The following FGGY variants were observed in gnomAD, a reference collection of about 807,000 sequenced individuals.
FGGY encodes FGGY carbohydrate kinase domain containing.
Under a neutral mutation model 71.3 loss-of-function variants are expected in FGGY, and 72 were observed. That is an observed-to-expected ratio of 1.01 (90% confidence interval 0.84 to 1.23). FGGY has a LOEUF of 1.23. Among genes scored for constraint, FGGY ranks in the 50% most tolerant of loss-of-function variants. The pLI is 0.00. For synonymous variants in FGGY, 251 were observed against 250.3 expected (o/e 1.00, Z -0.02); for missense variants, 668 against 682.3 (o/e 0.98, Z 0.23).
intron 5 of FGGY, among the ~76,000 whole-genome samples, chr1:59,418,382 G>A (rs1571903758): frequency 1.3e-5 from 2 of 152,226 alleles, no homozygotes; most frequent in East Asian, 1.9e-4. Context: ...GGAAGCACCC[G>A]AGAAAATAAA....
Position 59,554,199 on chromosome 1 carries a change from T to A in FGGY, c.875T>A (p.Ile292Asn). The change falls in exon 8 of 16, where the codon ATC (isoleucine) becomes AAC (asparagine). Residue 292 changes from isoleucine to asparagine, a missense_variant. By Grantham distance (149) the Ile-to-Asn change is moderately radical. Around this residue, in one of 2 missense-constraint regions of FGGY, gnomAD observed 661 missense variants for 661.6 expected, o/e 1.00. Coordinates refer to ENST00000303721, the MANE Select transcript of FGGY (RefSeq NM_018291.5). ...CCAGTGACGTCACGGCTGGCTGTCA[T>A]CTGTGGAACGTCTTCTTGTCACATG... ...GQPVTSRLAV[I>N]CGTSSCHMGI... 6.2e-7 allele frequency: 1 copy of A among 1,613,620 alleles called. No homozygotes were observed. Among genetic ancestry groups the A allele is most frequent in the Non-Finnish European group, 8.5e-7 (1 of 1,179,616 alleles).
intron 9 of FGGY, among the ~76,000 whole-genome samples, chr1:59,614,123 A>C (rs1196255409): frequency 2.6e-5 from 4 of 152,224 alleles, no homozygotes; most frequent in Non-Finnish European, 5.9e-5. Flanking sequence ...ATAGGAAAAG[A>C]GGGAATCCTC....
chr1:59,691,695 G>A (rs2097589714), intron 14 of FGGY, among the ~76,000 whole-genome samples: 1 of 149,552 alleles, frequency 6.7e-6, no homozygotes, highest in Admixed American at 6.7e-5. Context: ...ATTACTTTGG[G>A]GACTTAACAC....
chr1:59,706,141 TCCTG>T (rs1379203176), intron 14 of FGGY, among the ~76,000 whole-genome samples: 1 of 152,212 alleles, frequency 6.6e-6, no homozygotes, highest in Non-Finnish European at 1.5e-5. Flanking sequence ...TCACTGAGCC[TCCTG>T]CCTGTACAGG....
chr1:59,488,185 G>A (rs1403137080), intron 6 of FGGY, among the ~76,000 whole-genome samples: 1 of 152,012 alleles, frequency 6.6e-6, no homozygotes. Flanking sequence ...ATATTTTTAA[G>A]CCTTCTATTA....
intron 6 of FGGY, among the ~76,000 whole-genome samples, chr1:59,473,245 C>T (rs907685832): frequency 4.6e-5 from 7 of 152,018 alleles, no homozygotes; most frequent in South Asian, 2.1e-4. Flanking sequence ...ACGAACCCAC[C>T]GGGAGGAACG....
intron 14 of FGGY, among the ~76,000 whole-genome samples, chr1:59,694,106 G>A (rs574825934): frequency 9.2e-5 from 14 of 151,634 alleles, no homozygotes; most frequent in Admixed American, 3.9e-4. Context: ...TCGAGACCAC[G>A]GTGAAATCCC....
At chr1:59,492,403 G>A (rs2093894090) in intron 6 of FGGY, among the ~76,000 whole-genome samples, 1 of 152,132 alleles carries the variant, frequency 6.6e-6, no homozygotes, top group Non-Finnish European at 1.5e-5. Context: ...TACTTGTACG[G>A]TGATCTGGAT....
chr1:59,652,159 A>G lies in FGGY; in HGVS notation c.1222-8060A>G, dbSNP rs1363612334. 2.6e-5 allele frequency among the ~76,000 whole-genome samples: 4 copies of G among 152,096 alleles called. No individual in the cohort carries two copies. In the South Asian group the frequency reaches 6.3e-4, roughly 24 times the overall value. On this transcript the variant is annotated intron_variant, in intron 11 of 15. Coordinates refer to ENST00000303721, the MANE Select transcript of FGGY (RefSeq NM_018291.5). The stretch of plus-strand genomic sequence containing the variant: ...ATGGGCTTCCCTTTGAGGGTAACCC[A>G]ACCTTTCTCTCTGGCTGCCCTTAAC...
rs540147816 is a variant in FGGY, at chr1:59,538,180, G to A, written c.800-15944G>A. 9.9e-5 allele frequency among the ~76,000 whole-genome samples: 15 copies of A among 152,258 alleles called. 1 individual carries two copies. The highest frequency in any genetic ancestry group is 5.8e-4 in the East Asian group (3 of 5,180). ...AAAACAACCCCATGAAAAAGTGGGC[G>A]AGGGACATAAACAGACACTTCTCAA... On this transcript the variant is annotated intron_variant, in intron 7 of 15. Transcript: ENST00000303721.
intron 10 of FGGY, among the ~76,000 whole-genome samples, chr1:59,632,992 T>C (rs922190856): frequency 1.3e-5 from 2 of 151,780 alleles, no homozygotes; most frequent in East Asian, 3.9e-4. Flanking sequence ...TGGATATTAT[T>C]ATACATTTCT....
At chr1:59,459,931 T>A (rs1472075895) in intron 6 of FGGY, among the ~76,000 whole-genome samples, 1 of 152,194 alleles carries the variant, frequency 6.6e-6, no homozygotes, top group Non-Finnish European at 1.5e-5. Flanking sequence ...GGATTCAGTG[T>A]ATTAGCTTAT....
intron 8 of FGGY, among the ~76,000 whole-genome samples, chr1:59,579,223 T>C (rs1286783858): frequency 6.6e-6 from 1 of 152,114 alleles, no homozygotes; most frequent in East Asian, 1.9e-4. Flanking sequence ...GGTCCCATTG[T>C]CTAATTGCTC....
intron 5 of FGGY, among the ~76,000 whole-genome samples, chr1:59,396,312 T>C (rs1179662858): frequency 1.3e-5 from 2 of 152,236 alleles, no homozygotes; most frequent in Non-Finnish European, 2.9e-5. Flanking sequence ...GACTAAGCTC[T>C]AACCTCAGTG....
chr1:59,482,949 C>G (rs2093542531), intron 6 of FGGY, among the ~76,000 whole-genome samples: 2 of 152,060 alleles, frequency 1.3e-5, no homozygotes, highest in South Asian at 2.1e-4. Flanking sequence ...GTCAGAACCA[C>G]CTGGGGGGAT....
At chr1:59,472,679 G>A (rs569076071) in intron 6 of FGGY, among the ~76,000 whole-genome samples, 2 of 152,190 alleles carry the variant, frequency 1.3e-5, no homozygotes, top group East Asian at 1.9e-4. Flanking sequence ...CAGGGTTTGC[G>A]AATGCACCAG....
intron 7 of FGGY, among the ~76,000 whole-genome samples, chr1:59,519,902 G>A (rs1021249869): frequency 1.3e-5 from 2 of 152,350 alleles, no homozygotes; most frequent in East Asian, 1.9e-4. Context: ...CTCTAGGCCA[G>A]TGGTTCTCAA....
At chr1:59,450,657 G>T (rs542660404) in intron 5 of FGGY, among the ~76,000 whole-genome samples, 2 of 152,050 alleles carry the variant, frequency 1.3e-5, no homozygotes, top group African/African-American at 4.8e-5. Context: ...TATTTAAATA[G>T]AATTGTCTTT....
At chr1:59,726,257 C>T (rs1432161014) in intron 14 of FGGY, among the ~76,000 whole-genome samples, 1 of 151,976 alleles carries the variant, frequency 6.6e-6, no homozygotes, top group Non-Finnish European at 1.5e-5. Flanking sequence ...TTGAACCAAC[C>T]TTGTACACCT....
Sources: gnomAD v4.1 joint callset for allele counts (sites outside exome capture counted in the v4.1 genomes callset) on GRCh38, gnomAD v4.1.1 for gene constraint, gnomAD v4.1.1 regional missense constraint, MANE v1.5 for transcripts, NCBI Gene and HGNC (gene_info 2026-07-23, HGNC 2026-07-21) for gene names.